The following MACROH2A2 variants were observed in gnomAD, a reference collection of about 807,000 sequenced individuals.
The protein encoded by MACROH2A2 is core histone macro-H2A.2.
Under a neutral mutation model 37.6 loss-of-function variants are expected in MACROH2A2, and 6 were observed. The ratio of observed to expected loss-of-function variants is 0.16; its 90% CI spans 0.09 to 0.32. MACROH2A2 has a LOEUF of 0.32. Ranked by LOEUF, MACROH2A2 falls within the 10% of genes least tolerant of loss-of-function variation. MACROH2A2 has a pLI of 1.00. For synonymous variants in MACROH2A2, 192 were observed against 202.7 expected (o/e 0.95, Z 0.45); for missense variants, 290 against 485.9 (o/e 0.60, Z 3.79).
intron 7 of MACROH2A2, among the ~76,000 whole-genome samples, chr10:70,101,905 C>T (rs1011606107): frequency 7.2e-5 from 11 of 152,126 alleles, no homozygotes; most frequent in African/African-American, 2.2e-4. Context: ...GCTGTTTCCG[C>T]CTTTGGTGAT....
intron 2 of MACROH2A2, among the ~76,000 whole-genome samples, chr10:70,082,305 C>G (rs1385965624): frequency 6.6e-6 from 1 of 152,044 alleles, no homozygotes; most frequent in Admixed American, 6.5e-5. Context: ...TGTAATCCAG[C>G]TGCCGGGGAG....
intron 1 of MACROH2A2, among the ~76,000 whole-genome samples, chr10:70,069,259 C>T (rs2072095363): frequency 6.6e-6 from 1 of 152,128 alleles, no homozygotes. Flanking sequence ...CACACAAGAC[C>T]AACGATGTGC....
chr10:70,064,185 A>G (rs956380501), intron 1 of MACROH2A2, among the ~76,000 whole-genome samples: 14 of 152,190 alleles, frequency 9.2e-5, no homozygotes, highest in African/African-American at 3.4e-4. Context: ...CCTGTCTAAC[A>G]TGGTGAAACC....
chr10:70,092,443 A>C (rs2136636130), intron 4 of MACROH2A2, among the ~76,000 whole-genome samples: 1 of 149,110 alleles, frequency 6.7e-6, no homozygotes, highest in Admixed American at 6.7e-5. Flanking sequence ...TTAAACAAAC[A>C]AAAAAAAAAG....
At chr10:70,069,090 G>A (rs2072094275) in intron 1 of MACROH2A2, among the ~76,000 whole-genome samples, 1 of 152,190 alleles carries the variant, frequency 6.6e-6, no homozygotes, top group African/African-American at 2.4e-5. Flanking sequence ...GAATAGTCTG[G>A]TGTGAGTTTA....
intron 7 of MACROH2A2, among the ~76,000 whole-genome samples, chr10:70,102,015 A>G (rs1370370900): frequency 6.6e-6 from 1 of 152,080 alleles, no homozygotes; most frequent in African/African-American, 2.4e-5. Flanking sequence ...TCAACCTCAG[A>G]TCCATGTTCC....
chr10:70,107,492 G>A lies in MACROH2A2; in HGVS notation c.779-1541G>A, dbSNP rs919431960. Among the ~76,000 whole-genome samples, 9 of 152,164 alleles carry A rather than the reference G, an allele frequency of 5.9e-5. No individual in the cohort carries two copies. The South Asian group carries it at 1.2e-3, about 21-fold the overall frequency. On this transcript the variant is annotated intron_variant, in intron 7 of 8. Transcript: ENST00000373255. This position sits in a 1 kb window ranked among gnomAD's most constrained non-coding sequence, Gnocchi z 4.4. The stretch of plus-strand genomic sequence containing the variant: ...GGGGCACAGGGCGCAGACGGGCAGC[G>A]TGGGGGCAAGCATGGCTCATGGCTG...
rs1251677839 is a variant in MACROH2A2 at position 70,053,311 on chromosome 10, G to T, written c.-60+311G>T. On this transcript the variant is annotated intron_variant, in intron 1 of 8. Coordinates refer to ENST00000373255, the MANE Select transcript of MACROH2A2 (RefSeq NM_018649.3). This position sits in a 1 kb window ranked among gnomAD's most constrained non-coding sequence, Gnocchi z 4.8. ...AGGAGGGATGCGAGGTTCAGCAGCGGGCCCCAGGCGAGGCTGGACCCGGAG... is the reference window on the plus strand; with the variant it reads ...AGGAGGGATGCGAGGTTCAGCAGCGTGCCCCAGGCGAGGCTGGACCCGGAG... 6.6e-6 allele frequency among the ~76,000 whole-genome samples: 1 copy of T among 152,136 alleles called. No homozygotes were observed. The highest frequency in any genetic ancestry group is 1.5e-5 in the Non-Finnish European group (1 of 68,008).
At chr10:70,060,007 G>A (rs895425016) in intron 1 of MACROH2A2, among the ~76,000 whole-genome samples, 3 of 152,192 alleles carry the variant, frequency 2.0e-5, no homozygotes, top group African/African-American at 7.2e-5. Flanking sequence ...TGCCTGTCAA[G>A]AGCACAGAAC....
intron 7 of MACROH2A2, among the ~76,000 whole-genome samples, chr10:70,108,370 A>T (rs2072350269): frequency 6.6e-6 from 1 of 152,196 alleles, no homozygotes; most frequent in African/African-American, 2.4e-5. Context: ...AGAGTCTAAG[A>T]TCCAGGTGTT....
chr10:70,079,128 C>G (rs1185010643), intron 2 of MACROH2A2, among the ~76,000 whole-genome samples: 1 of 152,088 alleles, frequency 6.6e-6, no homozygotes, highest in Non-Finnish European at 1.5e-5. Flanking sequence ...AGAGGAACTT[C>G]GGGAACTGCG....
At chr10:70,096,788 C>T (rs1034081146) in intron 6 of MACROH2A2, among the ~76,000 whole-genome samples, 1 of 152,160 alleles carries the variant, frequency 6.6e-6, no homozygotes, top group Non-Finnish European at 1.5e-5. Context: ...GCACCAGGGG[C>T]CCCAGGCAGC....
intron 1 of MACROH2A2, among the ~76,000 whole-genome samples, chr10:70,056,962 G>A (rs2072021979): frequency 6.6e-6 from 1 of 152,118 alleles, no homozygotes; most frequent in South Asian, 2.1e-4. Flanking sequence ...TAAAAGGAGT[G>A]TAGTGAAATC....
chr10:70,077,667 C>T (rs528722059), intron 2 of MACROH2A2, among the ~76,000 whole-genome samples: 4 of 152,262 alleles, frequency 2.6e-5, no homozygotes, highest in Non-Finnish European at 4.4e-5. Context: ...GTCAGGAGAT[C>T]GAGACCATCC....
intron 7 of MACROH2A2, among the ~76,000 whole-genome samples, chr10:70,102,390 T>C (rs2136641334): frequency 6.6e-6 from 1 of 152,220 alleles, no homozygotes; most frequent in Non-Finnish European, 1.5e-5. Flanking sequence ...ACTTGGAAGT[T>C]TAAGCAGGGG....
Position 70,109,103 on chromosome 10 carries a change from C to T in MACROH2A2, c.849C>T (p.Ser283=), listed in dbSNP as rs756711086. Residue 283 remains serine, a synonymous_variant, in exon 8 of 9, where the codon TCC becomes TCT. Coordinates refer to ENST00000373255, the MANE Select transcript of MACROH2A2 (RefSeq NM_018649.3). ...ACTGTCACATCCCTCAGTGGGGCTC[C>T]GACAAATGTGAAGAACAGCTTGAAG... The part of the protein sequence containing the change: ...VIHCHIPQWG[S]DKCEEQLEET... The T allele has an allele frequency of 3.0e-5, 49 of 1,613,940 alleles. No homozygotes were observed. The Middle Eastern group carries it at 4.9e-4, about 16-fold the overall frequency.
intron 7 of MACROH2A2, among the ~76,000 whole-genome samples, chr10:70,104,505 T>C (rs1032927283): frequency 1.3e-5 from 2 of 152,096 alleles, no homozygotes; most frequent in East Asian, 1.9e-4. Flanking sequence ...GGAGAAACCC[T>C]GTCTAGTAAA....
intron 2 of MACROH2A2, among the ~76,000 whole-genome samples, chr10:70,083,232 C>G (rs958614970): frequency 2.0e-5 from 3 of 152,174 alleles, no homozygotes; most frequent in Non-Finnish European, 4.4e-5. Context: ...GGGACTGATG[C>G]AGACACTGCA....
intron 6 of MACROH2A2, among the ~76,000 whole-genome samples, chr10:70,097,956 GGGGGCCCGA>G (rs1396946979): frequency 6.6e-6 from 1 of 151,974 alleles, no homozygotes; most frequent in Non-Finnish European, 1.5e-5. Flanking sequence ...TATAAAAAAG[GGGGGCCCGA>G]GTACGGTGGC....
Sources: gnomAD v4.1 joint callset for allele counts (sites outside exome capture counted in the v4.1 genomes callset) on GRCh38, gnomAD v4.1.1 for gene constraint, Gnocchi (gnomAD v3.1) non-coding constraint, MANE v1.5 for transcripts, NCBI Gene and HGNC (gene_info 2026-07-23, HGNC 2026-07-21) for gene names.